The following CDH10 variants were observed in gnomAD, a reference collection of about 807,000 sequenced individuals.
CDH10 encodes cadherin-10.
In CDH10, 30 loss-of-function variants were observed where a neutral mutation model predicts 73.1. That is an observed-to-expected ratio of 0.41 (90% CI 0.31 to 0.56). The LOEUF is 0.56. CDH10 is among the 20% of genes least tolerant of loss of function. The probability of loss-of-function intolerance (pLI) is 0.27; values close to 1 mark genes in which losing one functional copy is unlikely to be tolerated. For synonymous variants in CDH10, 345 were observed against 348.2 expected, an observed-to-expected ratio of 0.99 and a Z score of 0.10; for missense variants, 815 against 973.7, an observed-to-expected ratio of 0.84 and a Z score of 2.17.
intron 1 of CDH10, among the ~76,000 whole-genome samples, chr5:24,606,441 T>C (rs1259693257): frequency 1.3e-5 from 2 of 152,024 alleles, no homozygotes; most frequent in African/African-American, 4.8e-5. Context: ...TGAAAGCTTG[T>C]CTCTACTAAA....
At chr5:24,602,318 G>T (rs934441365) in intron 1 of CDH10, among the ~76,000 whole-genome samples, 1 of 152,076 alleles carries the variant, frequency 6.6e-6, no homozygotes, top group Non-Finnish European at 1.5e-5. Context: ...AGTATTTAGT[G>T]GGCTAAGATC....
intron 1 of CDH10, among the ~76,000 whole-genome samples, chr5:24,604,220 C>T (rs935922352): frequency 6.6e-6 from 1 of 151,948 alleles, no homozygotes; most frequent in South Asian, 2.1e-4. Context: ...TGTAGTGGCA[C>T]AGGCCTGTAG....
chr5:24,560,728 A>G (rs773598976), intron 2 of CDH10, among the ~76,000 whole-genome samples: 1 of 152,094 alleles, frequency 6.6e-6, no homozygotes, highest in East Asian at 1.9e-4. Flanking sequence ...TCTTTTCTCT[A>G]TAAATGGTTG....
intron 5 of CDH10, among the ~76,000 whole-genome samples, chr5:24,513,350 TAA>T (rs1351126700): frequency 6.6e-6 from 1 of 152,026 alleles, no homozygotes; most frequent in Non-Finnish European, 1.5e-5. Flanking sequence ...TTCTCTCACA[TAA>T]AATTCCTTCC....
chr5:24,522,263 A>T (rs1462375853), intron 5 of CDH10, among the ~76,000 whole-genome samples: 1 of 152,212 alleles, frequency 6.6e-6, no homozygotes, highest in Non-Finnish European at 1.5e-5. Context: ...CAAATTATTG[A>T]ACAATATTAT....
intron 1 of CDH10, among the ~76,000 whole-genome samples, chr5:24,622,295 A>C (rs1306322061): frequency 1.3e-5 from 2 of 152,186 alleles, no homozygotes; most frequent in Non-Finnish European, 2.9e-5. Context: ...ATGTTATGGG[A>C]AAGAGTATGC....
chr5:24,573,470 G>A (rs1207068768), intron 2 of CDH10, among the ~76,000 whole-genome samples: 1 of 151,940 alleles, frequency 6.6e-6, no homozygotes, highest in East Asian at 1.9e-4. Context: ...GGGAGGCCGA[G>A]GCAGGCAGAT....
intron 5 of CDH10, among the ~76,000 whole-genome samples, chr5:24,523,373 C>T (rs987447202): frequency 6.6e-6 from 1 of 151,912 alleles, no homozygotes; most frequent in African/African-American, 2.4e-5. Flanking sequence ...GGCATACATA[C>T]ATGCATTTAA....
At chr5:24,571,096 A>G (rs1253454487) in intron 2 of CDH10, among the ~76,000 whole-genome samples, 1 of 152,148 alleles carries the variant, frequency 6.6e-6, no homozygotes, top group Non-Finnish European at 1.5e-5. Context: ...CTGTCAGTGA[A>G]GAGCAAATTT....
At chr5:24,520,762 T>C (rs1376846689) in intron 5 of CDH10, among the ~76,000 whole-genome samples, 3 of 152,152 alleles carry the variant, frequency 2.0e-5, no homozygotes, top group Non-Finnish European at 4.4e-5. Flanking sequence ...CATCTCAGTC[T>C]GTCATCCAGG....
chr5:24,638,990 C>T (rs13182223), intron 1 of CDH10, among the ~76,000 whole-genome samples: 72 of 151,494 alleles, frequency 4.8e-4, no homozygotes, highest in Non-Finnish European at 9.9e-4. Context: ...AAAATTTTAA[C>T]GTTTTGGTTT....
At chr5:24,617,249 G>T (rs1281209083) in intron 1 of CDH10, among the ~76,000 whole-genome samples, 1 of 152,020 alleles carries the variant, frequency 6.6e-6, no homozygotes, top group Non-Finnish European at 1.5e-5. Flanking sequence ...CTTTTGCCCC[G>T]ATCACGGCAG....
At chr5:24,566,469 A>T (rs1745169295) in intron 2 of CDH10, among the ~76,000 whole-genome samples, 1 of 152,204 alleles carries the variant, frequency 6.6e-6, no homozygotes, top group African/African-American at 2.4e-5. Context: ...TTTTGAAGCT[A>T]CAGTAATTAA....
intron 8 of CDH10, among the ~76,000 whole-genome samples, chr5:24,503,069 G>A (rs1049860813): frequency 7.2e-5 from 11 of 152,114 alleles, no homozygotes; most frequent in Non-Finnish European, 7.4e-5. Context: ...TAAGAAAGAC[G>A]CTAAATCTAT....
chr5:24,560,985 T>A (rs1164801535), intron 2 of CDH10, among the ~76,000 whole-genome samples: 1 of 152,156 alleles, frequency 6.6e-6, no homozygotes, highest in Non-Finnish European at 1.5e-5. Context: ...ATAGGCCACT[T>A]CCCTAAGCTT....
chr5:24,506,666 C>T (rs1742712553), intron 7 of CDH10, among the ~76,000 whole-genome samples: 1 of 152,122 alleles, frequency 6.6e-6, no homozygotes, highest in South Asian at 2.1e-4. Context: ...TTCTAACAGA[C>T]TAAGAACTCC....
chr5:24,489,566 C>A (rs947858044), intron 11 of CDH10, among the ~76,000 whole-genome samples: 1 of 152,234 alleles, frequency 6.6e-6, no homozygotes, highest in Middle Eastern at 3.4e-3. Context: ...CCAGCAAAAA[C>A]TTTCTAATGT....
Position 24,509,788 on chromosome 5 carries a change from G to T in CDH10, c.1034C>A (p.Thr345Asn). The change falls in exon 7 of 12, where the codon ACT becomes AAT. Residue 345 changes from threonine (T) to asparagine (N), a missense_variant. Physicochemically the swap from Thr to Asn is moderately conservative, Grantham distance 65. Transcript: ENST00000264463. The part of the protein sequence containing the change: ...PLDYESRRLY[T>N]LKVEAENTHV... ...GGTGTTTTCTGCTTCGACTTTCAGA[G>T]TATAAAGTCTTCGGCTCTCATAGTC... 1 of 1,611,382 alleles carries T rather than the reference G, an allele frequency of 6.2e-7. No homozygotes were observed. Among genetic ancestry groups the T allele is most frequent in the Non-Finnish European group, 8.5e-7 (1 of 1,178,070 alleles).
intron 5 of CDH10, among the ~76,000 whole-genome samples, chr5:24,518,610 T>G (rs1290459891): frequency 6.6e-6 from 1 of 152,098 alleles, no homozygotes; most frequent in African/African-American, 2.4e-5. Context: ...AATTTTCCAC[T>G]GAGGGCAAAT....
Sources: gnomAD v4.1 joint callset for allele counts (sites outside exome capture counted in the v4.1 genomes callset) on GRCh38, gnomAD v4.1.1 for gene constraint, MANE v1.5 for transcripts, NCBI Gene and HGNC (gene_info 2026-07-23, HGNC 2026-07-21) for gene names.